The following AGBL1 variants were observed in gnomAD, a reference collection of about 807,000 sequenced individuals.
The protein encoded by AGBL1 is cytosolic carboxypeptidase 4.
A neutral mutation model predicts 118.9 loss-of-function variants in AGBL1; 130 were observed. That is an observed-to-expected ratio of 1.09 (90% CI 0.95 to 1.26). AGBL1 has a LOEUF of 1.26. AGBL1 is among the 50% of genes most tolerant of loss of function. The pLI is 0.00. For missense variants in AGBL1, 1,584 were observed against 1,298.1 expected, an observed-to-expected ratio of 1.22 and a Z score of -3.38; for synonymous variants, 555 against 478.9, an observed-to-expected ratio of 1.16 and a Z score of -2.08.
At chr15:86,396,296 T>A (rs1327193777) in intron 17 of AGBL1, among the ~76,000 whole-genome samples, 1 of 150,622 alleles carries the variant, frequency 6.6e-6, no homozygotes, top group African/African-American at 2.4e-5. Context: ...TCAAAACACA[T>A]TTTCCACCTG....
At chr15:86,946,702 C>A (rs1444766467) in intron 23 of AGBL1, among the ~76,000 whole-genome samples, 3 of 151,712 alleles carry the variant, frequency 2.0e-5, no homozygotes, top group African/African-American at 7.3e-5. Flanking sequence ...ACAAAATTAG[C>A]CAGGCATGGT....
chr15:86,254,597 T>G (rs1454290979), intron 7 of AGBL1, among the ~76,000 whole-genome samples: 2 of 152,348 alleles, frequency 1.3e-5, no homozygotes, highest in South Asian at 2.1e-4. Context: ...GATGTGTTAT[T>G]GAGAGTGATG....
At chr15:86,506,585 T>G (rs1332884793) in intron 18 of AGBL1, among the ~76,000 whole-genome samples, 2 of 152,052 alleles carry the variant, frequency 1.3e-5, no homozygotes, top group Non-Finnish European at 2.9e-5. Context: ...TGAAGAGTCT[T>G]GACAGAATTT....
intron 18 of AGBL1, among the ~76,000 whole-genome samples, chr15:86,499,402 A>G (rs2082892312): frequency 1.3e-5 from 2 of 151,898 alleles, no homozygotes; most frequent in Admixed American, 6.6e-5. Context: ...GTCTGTGGCT[A>G]TGCAATTTCG....
intron 19 of AGBL1, among the ~76,000 whole-genome samples, chr15:86,523,388 G>A (rs913128844): frequency 5.9e-5 from 9 of 151,968 alleles, no homozygotes; most frequent in African/African-American, 1.2e-4. Flanking sequence ...TTGTATTAGG[G>A]CTTATTCTAA....
chr15:86,456,983 T>G (rs1702488278), intron 18 of AGBL1, among the ~76,000 whole-genome samples: 1 of 152,130 alleles, frequency 6.6e-6, no homozygotes, highest in African/African-American at 2.4e-5. Flanking sequence ...ATTTCAAAAA[T>G]TATATATGTA....
At chr15:86,690,779 G>C (rs979184899) in intron 22 of AGBL1, among the ~76,000 whole-genome samples, 20 of 152,042 alleles carry the variant, frequency 1.3e-4, no homozygotes, top group African/African-American at 4.8e-4. Context: ...GTTTTGTGTG[G>C]GTGCTTGCTG....
chr15:86,372,465 T>A (rs2080984691), intron 17 of AGBL1, among the ~76,000 whole-genome samples: 1 of 152,200 alleles, frequency 6.6e-6, no homozygotes, highest in Non-Finnish European at 1.5e-5. Context: ...ATTTCCTCCC[T>A]TGGTGTCTTT....
chr15:86,092,382 C>T (rs1337648269), intron 1 of AGBL1, among the ~76,000 whole-genome samples: 1 of 152,126 alleles, frequency 6.6e-6, no homozygotes, highest in Non-Finnish European at 1.5e-5. Context: ...CTCAGTTGAT[C>T]TCTAACCTTC....
chr15:86,196,539 C>G (rs564708263), intron 5 of AGBL1, among the ~76,000 whole-genome samples: 1 of 152,218 alleles, frequency 6.6e-6, no homozygotes, highest in South Asian at 2.1e-4. Flanking sequence ...AAGGGGTGAG[C>G]TCTCCTTTAA....
chr15:86,707,129 AG>A (rs2086464495), intron 22 of AGBL1, among the ~76,000 whole-genome samples: 2 of 152,104 alleles, frequency 1.3e-5, no homozygotes, highest in African/African-American at 4.8e-5. Flanking sequence ...ATCCTATTAG[AG>A]CACTTCACTC....
intron 18 of AGBL1, among the ~76,000 whole-genome samples, chr15:86,403,928 T>A (rs78502174): frequency 0.024 from 3,682 of 152,260 alleles, 61 homozygotes; most frequent in Middle Eastern, 0.068. Context: ...TTATCCACAA[T>A]TACATAGCTA....
intron 23 of AGBL1, among the ~76,000 whole-genome samples, chr15:86,972,666 C>G (rs1323782936): frequency 1.3e-5 from 2 of 151,968 alleles, no homozygotes; most frequent in African/African-American, 4.8e-5. Context: ...TTCCTGATCA[C>G]CAAATATTTG....
chr15:86,211,768 G>A (rs1048230557), intron 5 of AGBL1, among the ~76,000 whole-genome samples: 2 of 152,164 alleles, frequency 1.3e-5, no homozygotes, highest in Non-Finnish European at 2.9e-5. Flanking sequence ...TGCTAGGAAA[G>A]GGAAATCCCC....
At chr15:86,785,143 G>A (rs541113740) in intron 22 of AGBL1, among the ~76,000 whole-genome samples, 2 of 152,126 alleles carry the variant, frequency 1.3e-5, no homozygotes, top group South Asian at 4.2e-4. Context: ...TGAAGCTAAG[G>A]AGGAATAGGA....
intron 22 of AGBL1, among the ~76,000 whole-genome samples, chr15:86,697,921 A>G (rs927620004): frequency 2.6e-5 from 4 of 151,932 alleles, no homozygotes; most frequent in African/African-American, 9.7e-5. Context: ...GGATACCAGC[A>G]CAGTATTTGG....
In AGBL1 at chr15:86,694,342, A is replaced by T. The variant is rs1340133463; in HGVS notation, c.3158+19906A>T. 2.0e-5 allele frequency among the ~76,000 whole-genome samples: 3 copies of T among 151,264 alleles called. No individual in the cohort carries two copies. The East Asian group carries it at 5.8e-4, about 29-fold the overall frequency. The stretch of plus-strand genomic sequence containing the variant: ...GGTTAGATATATTCCTAAGTATTTA[A>T]TTTTTTTTGCAGCTAACGTAAAGGG... On this transcript the variant is annotated intron_variant, in intron 22 of 22. Transcript: ENST00000614907.
chr15:86,170,750 G>A (rs543677154), intron 5 of AGBL1, among the ~76,000 whole-genome samples: 14 of 152,168 alleles, frequency 9.2e-5, no homozygotes, highest in African/African-American at 2.4e-4. Flanking sequence ...GGAGGCTGAG[G>A]CAGGAGAATT....
intron 19 of AGBL1, among the ~76,000 whole-genome samples, chr15:86,535,169 A>G (rs2083408269): frequency 6.6e-6 from 1 of 152,240 alleles, no homozygotes; most frequent in South Asian, 2.1e-4. Context: ...AAAGAGCAGA[A>G]AGGTTGTAGA....
Sources: gnomAD v4.1 joint callset for allele counts (sites outside exome capture counted in the v4.1 genomes callset) on GRCh38, gnomAD v4.1.1 for gene constraint, MANE v1.5 for transcripts, NCBI Gene and HGNC (gene_info 2026-07-23, HGNC 2026-07-21) for gene names.